Variants in NVL observed in about 807,000 individuals in gnomAD.
NVL encodes nuclear valosin-containing protein-like.
In NVL, 84 loss-of-function variants were observed where a neutral mutation model predicts 110.2. The observed-to-expected ratio is 0.76, with a 90% CI of 0.64 to 0.91. NVL has a LOEUF of 0.91. Ranked by LOEUF, NVL falls within the 40% of genes least tolerant of loss-of-function variation. The probability of loss-of-function intolerance (pLI) is 0.00; values close to 1 mark genes in which losing one functional copy is unlikely to be tolerated. For synonymous variants in NVL, 354 were observed against 361.1 expected (o/e 0.98, Z 0.22); for missense variants, 882 against 1,035.9 (o/e 0.85, Z 2.04).
chr1:224,303,647 T>C, intron 9 of NVL, 76 bp downstream of exon 9: 3 of 1,504,394 alleles, frequency 2.0e-6, no homozygotes, highest in South Asian at 1.3e-5. Context: ...CTGGTTTAAG[T>C]TGACCAAAGA....
At chr1:224,247,912 G>A (rs1662040555) in intron 19 of NVL, among the ~76,000 whole-genome samples, 1 of 152,184 alleles carries the variant, frequency 6.6e-6, no homozygotes, top group Admixed American at 6.5e-5. Flanking sequence ...ATTGCCAAAT[G>A]TTCCCTGGGG....
intron 4 of NVL, among the ~76,000 whole-genome samples, chr1:224,316,911 G>A (rs1012140070): frequency 1.3e-5 from 2 of 152,098 alleles, no homozygotes; most frequent in Non-Finnish European, 2.9e-5. Context: ...GCCAAGATGT[G>A]CGGATCACTA....
intron 22 of NVL, among the ~76,000 whole-genome samples, chr1:224,230,263 A>G (rs1174161585): frequency 2.0e-5 from 3 of 152,204 alleles, no homozygotes; most frequent in Non-Finnish European, 4.4e-5. Context: ...GCCATTTATC[A>G]AAAAGCGTAG....
intron 15 of NVL, among the ~76,000 whole-genome samples, chr1:224,285,792 A>C (rs903595420): frequency 6.6e-6 from 1 of 152,168 alleles, no homozygotes; most frequent in African/African-American, 2.4e-5. Context: ...AAAATATAAT[A>C]ATTGCATGTT....
chr1:224,295,054 A>T (rs1667743784), intron 11 of NVL, among the ~76,000 whole-genome samples: 1 of 152,258 alleles, frequency 6.6e-6, no homozygotes, highest in Admixed American at 6.5e-5. Flanking sequence ...AAAACTGAGG[A>T]CTTAAATCTT....
chr1:224,277,593 A>G (rs1665897363), intron 16 of NVL, among the ~76,000 whole-genome samples: 1 of 152,240 alleles, frequency 6.6e-6, no homozygotes, highest in African/African-American at 2.4e-5. Context: ...ACAAGGCAAC[A>G]GTGATTAAAA....
intron 19 of NVL, among the ~76,000 whole-genome samples, chr1:224,244,345 C>A (rs188739946): frequency 4.0e-5 from 6 of 151,170 alleles, no homozygotes; most frequent in Non-Finnish European, 8.8e-5. Flanking sequence ...CCAGCCTGGG[C>A]GACAAGAGCA....
intron 17 of NVL, among the ~76,000 whole-genome samples, chr1:224,272,817 G>A (rs1364116059): frequency 5.4e-5 from 8 of 148,876 alleles, no homozygotes; most frequent in Non-Finnish European, 8.9e-5. Context: ...GGCGGATCGC[G>A]AGGTCAGGAG....
At chr1:224,273,136 G>T (rs1665359939) in intron 17 of NVL, among the ~76,000 whole-genome samples, 1 of 150,970 alleles carries the variant, frequency 6.6e-6, no homozygotes, top group Non-Finnish European at 1.5e-5. Flanking sequence ...CAGTAGGCTG[G>T]GCGTGGTGGC....
chr1:224,295,647 C>T (rs1337246664), intron 11 of NVL, among the ~76,000 whole-genome samples: 5 of 151,084 alleles, frequency 3.3e-5, no homozygotes, highest in African/African-American at 9.7e-5. Flanking sequence ...CCCAGGAGTT[C>T]GAGATCAGCC....
intron 18 of NVL, among the ~76,000 whole-genome samples, chr1:224,260,576 C>T (rs1005965278): frequency 2.0e-5 from 3 of 152,070 alleles, no homozygotes; most frequent in African/African-American, 7.2e-5. Context: ...AATTATTAAA[C>T]GCTTAGAATG....
chr1:224,303,007 C>A, intron 9 of NVL: 1 of 217,628 alleles, frequency 4.6e-6, no homozygotes, highest in Non-Finnish European at 9.8e-6. Flanking sequence ...CATGATTGCA[C>A]CATTGCACTC....
At position 224,301,798 on chromosome 1, in the gene NVL, CAAAAA is replaced by C. The variant is rs61084002; in HGVS notation, c.961-1140_961-1136del. On this transcript the variant is annotated intron_variant, in intron 9 of 22. Transcript: ENST00000281701. ...TGGGCAACAGAGAGAAAATCTGTTTCAAAAAAAAAAAAAAAAAAAAAAAGAGAGAA... is the reference window on the plus strand; with the variant it reads ...TGGGCAACAGAGAGAAAATCTGTTTCAAAAAAAAAAAAAAAAAAGAGAGAA... 158 of 75,910 alleles carry C rather than the reference CAAAAA, an allele frequency of 2.1e-3. 2 individuals carry two copies. The South Asian group carries it at 0.022, about 11-fold the overall frequency. The allele number at this position is 75,910 out of a possible 1,614,324, so 4.7% of individuals were successfully genotyped here.
At chr1:224,317,657 T>C (rs759302207) in intron 4 of NVL, 37 bp downstream of exon 4, 2 of 1,224,314 alleles carry the variant, frequency 1.6e-6, no homozygotes, top group African/African-American at 1.5e-5. Context: ...ATGATAAAGT[T>C]CATGGTTTAA....
In NVL at chr1:224,264,315, C is replaced by T. The variant is rs140101327; in HGVS notation, c.2182+3719G>A. 6.2e-3 allele frequency among the ~76,000 whole-genome samples: 943 copies of T among 151,464 alleles called. 5 individuals are homozygous for T. Among genetic ancestry groups the T allele is most frequent in the African/African-American group, 0.021 (882 of 41,294 alleles). ...CTGGAATGCAGTGGTGCTATCTGGG[C>T]TCACTGCAACCTCCGCCTCCTGGGT... On this transcript the variant is annotated intron_variant, in intron 18 of 22. Transcript: ENST00000281701.
intron 21 of NVL, among the ~76,000 whole-genome samples, chr1:224,231,753 G>A (rs776676154): frequency 2.0e-5 from 3 of 152,108 alleles, no homozygotes; most frequent in South Asian, 2.1e-4. Context: ...TAGGTCGGGC[G>A]CGGTGGCTCA....
chr1:224,253,131 T>C (rs1349453239), intron 18 of NVL, among the ~76,000 whole-genome samples: 2 of 151,876 alleles, frequency 1.3e-5, no homozygotes, highest in South Asian at 2.1e-4. Context: ...TTGCAACCTC[T>C]GCCTCCTGGG....
At chr1:224,302,673 C>T (rs958998164) in intron 9 of NVL, among the ~76,000 whole-genome samples, 3 of 152,292 alleles carry the variant, frequency 2.0e-5, no homozygotes, top group African/African-American at 7.2e-5. Context: ...AGTATAAGAA[C>T]ATGACTCTAA....
chr1:224,259,030 G>C (rs1284349719), intron 18 of NVL, among the ~76,000 whole-genome samples: 1 of 148,656 alleles, frequency 6.7e-6, no homozygotes, highest in East Asian at 1.9e-4. Context: ...GTTGCCTAAG[G>C]CTGGAGATGA....
Sources: gnomAD v4.1 joint callset for allele counts (sites outside exome capture counted in the v4.1 genomes callset) on GRCh38, gnomAD v4.1.1 for gene constraint, MANE v1.5 for transcripts, NCBI Gene and HGNC (gene_info 2026-07-23, HGNC 2026-07-21) for gene names.